The following DDX60 variants were observed in gnomAD, a reference collection of about 807,000 sequenced individuals.
DDX60 encodes probable ATP-dependent RNA helicase DDX60.
Under a neutral mutation model 212.8 loss-of-function variants are expected in DDX60, and 165 were observed. The ratio of observed to expected loss-of-function variants is 0.78; its 90% CI spans 0.68 to 0.88. The LOEUF is 0.88. DDX60 is among the 40% of genes least tolerant of loss of function. The probability of loss-of-function intolerance (pLI) is 0.00; values close to 1 mark genes in which losing one functional copy is unlikely to be tolerated. For missense variants in DDX60, 1,905 were observed against 2,003.9 expected (o/e 0.95, Z 0.94); for synonymous variants, 703 against 685.3 (o/e 1.03, Z -0.40).
At chr4:168,282,434 T>C (rs1389617266) in intron 13 of DDX60, among the ~76,000 whole-genome samples, 1 of 152,226 alleles carries the variant, frequency 6.6e-6, no homozygotes, top group Non-Finnish European at 1.5e-5. Context: ...TTCGCAAAAG[T>C]AATTATTCAG....
intron 30 of DDX60, among the ~76,000 whole-genome samples, chr4:168,243,193 C>T (rs1733910691): frequency 6.6e-6 from 1 of 152,106 alleles, no homozygotes; most frequent in Admixed American, 6.6e-5. Context: ...ATGTCTTTAT[C>T]AGCAGCATGA....
chr4:168,320,841 T>C (rs1317957849), upstream of DDX60, among the ~76,000 whole-genome samples: 1 of 152,192 alleles, frequency 6.6e-6, no homozygotes, highest in Non-Finnish European at 1.5e-5. Context: ...CTTCGAGGGA[T>C]AAAACAGCTA....
At chr4:168,318,096 A>C (rs754751139) in intron 1 of DDX60, among the ~76,000 whole-genome samples, 34 of 152,230 alleles carry the variant, frequency 2.2e-4, no homozygotes, top group Non-Finnish European at 3.2e-4. Context: ...CTTGACCAGG[A>C]ATAAATTAAG....
chr4:168,284,959 T>C lies in DDX60; in HGVS notation c.1446-24A>G, dbSNP rs1735756544. On this transcript the variant is annotated intron_variant, in intron 11 of 37. Transcript: ENST00000393743. Reference sequence around the variant, plus strand: ...CACTGTGAGACAAAAAAAGGCATATTTTAAATTGCACACTTCCAAATATAA... The same window carrying C: ...CACTGTGAGACAAAAAAAGGCATATCTTAAATTGCACACTTCCAAATATAA... 2.5e-6 allele frequency: 3 copies of C among 1,199,486 alleles called. No homozygotes were observed. The South Asian group carries it at 4.2e-5, about 17-fold the overall frequency. The allele number at this position is 1,199,486 out of a possible 1,614,324, so 74.3% of individuals were successfully genotyped here.
the DDX60 span, among the ~76,000 whole-genome samples, chr4:168,325,497 C>G: frequency 6.6e-6 from 1 of 152,060 alleles, no homozygotes; most frequent in Non-Finnish European, 1.5e-5. Context: ...ATATGTGTAT[C>G]TATGAAAAAG....
chr4:168,271,344 C>T (rs972492977), intron 19 of DDX60, among the ~76,000 whole-genome samples: 2 of 152,160 alleles, frequency 1.3e-5, no homozygotes, highest in African/African-American at 4.8e-5. Flanking sequence ...GGTTCCACTG[C>T]GTTTGGCCTA....
At chr4:168,279,344 A>G (rs1389353978) in intron 14 of DDX60, among the ~76,000 whole-genome samples, 1 of 152,228 alleles carries the variant, frequency 6.6e-6, no homozygotes, top group African/African-American at 2.4e-5. Flanking sequence ...GAAAACATTG[A>G]GATTGTATTT....
At chr4:168,321,995 A>AGT (rs1737618478), upstream of DDX60, among the ~76,000 whole-genome samples, 1 of 152,154 alleles carries the variant, frequency 6.6e-6, no homozygotes, top group Non-Finnish European at 1.5e-5. Flanking sequence ...GGTGCCCTGT[A>AGT]GTGGTCTTCA....
At chr4:168,294,336 C>T (rs534946270) in intron 6 of DDX60, among the ~76,000 whole-genome samples, 20 of 152,160 alleles carry the variant, frequency 1.3e-4, no homozygotes, top group African/African-American at 4.8e-4. Flanking sequence ...GAAAGCTCCA[C>T]AACATTGGTC....
chr4:168,285,896 AAAGG>A (rs368802134), intron 10 of DDX60, among the ~76,000 whole-genome samples: 6,491 of 114,560 alleles, frequency 0.057, 227 homozygotes, highest in African/African-American at 0.069. Context: ...AGGAGGGAAG[AAAGG>A]AAGGAAGGAA....
chr4:168,294,247 G>C (rs1409394052), intron 6 of DDX60, among the ~76,000 whole-genome samples: 1 of 152,072 alleles, frequency 6.6e-6, no homozygotes, highest in African/African-American at 2.4e-5. Flanking sequence ...CACACCATAT[G>C]CAAAAAGCAA....
At chr4:168,271,697 G>C (rs750379779) in intron 19 of DDX60, among the ~76,000 whole-genome samples, 1 of 152,116 alleles carries the variant, frequency 6.6e-6, no homozygotes, top group Non-Finnish European at 1.5e-5. Flanking sequence ...ATCATTGTTA[G>C]AGCCAAAAAT....
At chr4:168,268,120 G>T in intron 20 of DDX60, 137 bp from the exon 21 acceptor site, 2 of 625,950 alleles carry the variant, frequency 3.2e-6, no homozygotes, top group Non-Finnish European at 5.1e-6. Context: ...CAGACTACCT[G>T]AAATTAAATC....
chr4:168,317,245 AAAAC>A (rs1478813218), intron 1 of DDX60, among the ~76,000 whole-genome samples: 4 of 151,890 alleles, frequency 2.6e-5, no homozygotes, highest in African/African-American at 4.8e-5. Context: ...CACACATACA[AAAAC>A]AAACAATCAT....
chr4:168,269,293 C>T (rs903408301), intron 19 of DDX60, among the ~76,000 whole-genome samples: 7 of 152,106 alleles, frequency 4.6e-5, no homozygotes, highest in Admixed American at 1.3e-4. Flanking sequence ...AAATTCTTCA[C>T]ATCACAGCCA....
At chr4:168,287,274 T>TTGAGTAAA in intron 9 of DDX60, 71 bp from the exon 10 acceptor site, 1 of 1,354,136 alleles carries the variant, frequency 7.4e-7, no homozygotes, top group Non-Finnish European at 1.0e-6. Flanking sequence ...TAGTCACATT[T>TTGAGTAAA]TGAGTAAATT....
intron 18 of DDX60, among the ~76,000 whole-genome samples, chr4:168,272,395 G>T (rs796501633): frequency 5.3e-5 from 8 of 152,294 alleles, no homozygotes; most frequent in African/African-American, 1.9e-4. Context: ...TGAACATTCA[G>T]GGTTTAAAAA....
intron 22 of DDX60, among the ~76,000 whole-genome samples, chr4:168,266,725 G>A (rs1237549924): frequency 6.6e-6 from 1 of 152,164 alleles, no homozygotes; most frequent in African/African-American, 2.4e-5. Flanking sequence ...GTCAAGCTAA[G>A]GAGGTATGCA....
chr4:168,292,008 G>T, intron 7 of DDX60, 102 bp from the exon 8 acceptor site: 2 of 669,172 alleles, frequency 3.0e-6, no homozygotes, highest in African/African-American at 1.9e-5. Context: ...TTGCTGTTCA[G>T]GAATCATGAA....
Sources: allele counts gnomAD v4.1 joint callset (sites outside exome capture counted in the v4.1 genomes callset), GRCh38; gene constraint gnomAD v4.1.1; transcripts MANE v1.5; gene names NCBI Gene and HGNC (gene_info 2026-07-23, HGNC 2026-07-21).